The following DLX4 variants were observed in gnomAD, a reference collection of about 807,000 sequenced individuals.
The protein encoded by DLX4 is homeobox protein DLX-4.
In DLX4, 13 loss-of-function variants were observed where a neutral mutation model predicts 17.1. That is an observed-to-expected ratio of 0.76 (90% CI 0.49 to 1.21). The LOEUF (loss-of-function observed/expected upper bound fraction) is 1.21, where lower values mean the gene tolerates loss of function less well. Ranked by LOEUF, DLX4 falls within the 50% of genes most tolerant of loss-of-function variation. The pLI, the probability that DLX4 is intolerant of heterozygous loss-of-function variation, is 0.00. For missense variants in DLX4, 297 were observed against 301.4 expected (o/e 0.99, Z 0.11); for synonymous variants, 129 against 140.3 (o/e 0.92, Z 0.57).
chr17:49,969,342 T>A lies in DLX4; in HGVS notation c.-127T>A. 2 of 1,099,968 alleles carry A rather than the reference T, an allele frequency of 1.8e-6. No homozygotes were observed. Among genetic ancestry groups the A allele is most frequent in the Non-Finnish European group, 2.5e-6 (2 of 792,322 alleles). The allele number at this position is 1,099,968 out of a possible 1,614,324, so 68.1% of individuals were successfully genotyped here. ...GCTCAGAGAGACACTTTCTCCGGGA[T>A]CTTAAGTGTGGGGGCTGCTGGCTGG... On this transcript the variant is annotated 5_prime_UTR_variant, in exon 1 of 3. Coordinates refer to ENST00000240306, the MANE Select transcript of DLX4 (RefSeq NM_138281.3).
chr17:49,973,588 G>A, intron 2 of DLX4, 113 bp from the exon 3 acceptor site: 1 of 1,338,212 alleles, frequency 7.5e-7, no homozygotes, highest in Non-Finnish European at 1.0e-6. Context: ...CCAGCCTAGG[G>A]AACTGCTGGT....
rs1905578601 is a variant in DLX4 at position 49,973,107 on chromosome 17, C to T, written c.318C>T (p.Ser106=). The change falls in exon 2 of 3, where the codon TCC becomes TCT. Residue 106 remains serine, a synonymous_variant. Transcript: ENST00000240306. Reference sequence around the variant, plus strand: ...AGCCGCGGCTGTCCCCGGAACCCTCCGAGCGGCGCCCTCAGGCCCCCGCCA... The same window carrying T: ...AGCCGCGGCTGTCCCCGGAACCCTCTGAGCGGCGCCCTCAGGCCCCCGCCA... ...SEKPRLSPEP[S]ERRPQAPAKK... 6.2e-7 allele frequency: 1 copy of T among 1,613,978 alleles called. No individual in the cohort carries two copies. The highest frequency in any genetic ancestry group is 8.5e-7 in the Non-Finnish European group (1 of 1,179,984).
intron 1 of DLX4, among the ~76,000 whole-genome samples, chr17:49,970,005 C>T (rs1271319113): frequency 1.3e-5 from 2 of 151,902 alleles, no homozygotes; most frequent in African/African-American, 2.4e-5. Context: ...GGCGAGAGGG[C>T]CCCCCCAACC....
chr17:49,972,873 C>T lies in DLX4; in HGVS notation c.284-200C>T. ...GGGAGCAGAACTGCGTCTTGTATCA[C>T]CTGGCGCGGTGAACGTGGGGGTTGA... is the stretch of plus-strand genomic sequence containing the variant. On this transcript the variant is annotated intron_variant, in intron 1 of 2. Coordinates refer to ENST00000240306, the MANE Select transcript of DLX4 (RefSeq NM_138281.3). The surrounding 1 kb of genome is among the most constrained non-coding windows in gnomAD (Gnocchi z 5.4). 6.9e-7 allele frequency: 1 copy of T among 1,446,842 alleles called. No homozygotes were observed. The highest frequency in any genetic ancestry group is 9.1e-7 in the Non-Finnish European group (1 of 1,096,736). 89.6% of individuals were successfully genotyped at this position (1,446,842 alleles called of 1,614,324 possible).
At chr17:49,973,394 G>T (rs1310710546) in intron 2 of DLX4, 125 bp downstream of exon 2, 3 of 1,383,066 alleles carry the variant, frequency 2.2e-6, no homozygotes, top group Non-Finnish European at 2.9e-6. Flanking sequence ...GTTCTCCAGG[G>T]AATGTTCATA....
At position 49,969,692 on chromosome 17, in the gene DLX4, C is replaced by T. The variant is rs1363140696; in HGVS notation, c.224C>T (p.Pro75Leu). The change falls in exon 1 of 3, where the codon CCC becomes CTC. Residue 75 changes from proline to leucine, a missense_variant. By Grantham distance (98) the Pro-to-Leu change is moderately conservative. Coordinates refer to ENST00000240306, the MANE Select transcript of DLX4 (RefSeq NM_138281.3). ...PGDSYLSCQQ[P>L]AALSQPLCGP... ...GACTCCTACCTGTCCTGCCAGCAAC[C>T]CGCGGCGCTCTCTCAGCCCCTCTGC... 1 of 1,604,252 alleles carries T rather than the reference C, an allele frequency of 6.2e-7. No individual in the cohort carries two copies. Among genetic ancestry groups the T allele is most frequent in the African/African-American group, 1.3e-5 (1 of 74,888 alleles).
intron 1 of DLX4, 52 bp from the exon 2 acceptor site, chr17:49,973,021 C>T (rs751656882): frequency 1.3e-6 from 2 of 1,598,258 alleles, no homozygotes; most frequent in African/African-American, 2.7e-5. Flanking sequence ...ACTGTCCGTC[C>T]TACCCCCTCG....
At chr17:49,971,074 G>C (rs1028977109) in intron 1 of DLX4, among the ~76,000 whole-genome samples, 1 of 152,154 alleles carries the variant, frequency 6.6e-6, no homozygotes. Context: ...CTGTCCTTTA[G>C]TGTATGCTAA....
intron 1 of DLX4, 122 bp downstream of exon 1, chr17:49,969,873 A>T (rs917893271): frequency 4.0e-4 from 28 of 69,416 alleles, no homozygotes; most frequent in East Asian, 1.4e-3. Context: ...ATTCCCTGGG[A>T]TGTGGGGGTG....
In DLX4 at chr17:49,969,747, G is replaced by C; in HGVS notation, c.279G>C (p.Glu93Asp). The C allele has an allele frequency of 6.3e-7, 1 of 1,592,176 alleles. No individual in the cohort carries two copies. The highest frequency in any genetic ancestry group is 8.5e-7 in the Non-Finnish European group (1 of 1,175,672). The change falls in exon 1 of 3, where the codon GAG becomes GAC. Residue 93 changes from glutamate to aspartate, a missense_variant. Transcript: ENST00000240306. Reference sequence around the variant, plus strand: ...CTGCAGAGCACCCTCAGGAACTCGAGGCAGGTAAGTTCGGCCGTGGAGGCT... The same window carrying C: ...CTGCAGAGCACCCTCAGGAACTCGACGCAGGTAAGTTCGGCCGTGGAGGCT... ...CGPAEHPQEL[E>D]ADSEKPRLSP...
chr17:49,973,691 C>A lies in DLX4; in HGVS notation c.481-10C>A, dbSNP rs746924545. ...CTGATCTTTCATTCTTTCCCCTTTT[C>A]TTCCCGAAGGTAAAGATCTGGTTTC... On this transcript the variant is annotated splice_polypyrimidine_tract_variant and intron_variant, in intron 2 of 2. Transcript: ENST00000240306. 6.7e-7 allele frequency: 1 copy of A among 1,493,240 alleles called. No individual in the cohort carries two copies. The highest frequency in any genetic ancestry group is 1.4e-5 in the African/African-American group (1 of 70,700). 92.5% of individuals were successfully genotyped at this position (1,493,240 alleles called of 1,614,324 possible). A position where few individuals can be genotyped will look rare whatever the true frequency, so the allele number is the denominator to read the frequency against.
In DLX4 at chr17:49,974,555, T is replaced by A. The variant is rs1193552062; in HGVS notation, c.*612T>A. 6.9e-6 allele frequency: 1 copy of A among 143,986 alleles called. No homozygotes were observed. Among genetic ancestry groups the A allele is most frequent in the Non-Finnish European group, 1.5e-5 (1 of 66,750 alleles). 8.9% of individuals were successfully genotyped at this position (143,986 alleles called of 1,614,324 possible). On this transcript the variant is annotated 3_prime_UTR_variant, in exon 3 of 3. Coordinates refer to ENST00000240306, the MANE Select transcript of DLX4 (RefSeq NM_138281.3). Reference sequence around the variant, plus strand: ...GAGATGCAGAGAAATGTGGAATTTGTGGACCTATGGGTAATTTATGCTTTC... The same window carrying A: ...GAGATGCAGAGAAATGTGGAATTTGAGGACCTATGGGTAATTTATGCTTTC...
intron 1 of DLX4, among the ~76,000 whole-genome samples, chr17:49,971,042 T>G (rs1905485577): frequency 2.0e-5 from 3 of 152,256 alleles, no homozygotes; most frequent in Admixed American, 2.0e-4. Flanking sequence ...GTAGTTCTAG[T>G]TTTTCAAATG....
At chr17:49,969,833 C>T (rs1235641155) in intron 1 of DLX4, 82 bp downstream of exon 1, 10 of 1,306,146 alleles carry the variant, frequency 7.7e-6, no homozygotes, top group Non-Finnish European at 9.9e-6. Context: ...CCTGGTTGGA[C>T]GCAGCTAGCG....
chr17:49,969,112 G>T (rs1905404294), upstream of DLX4: 1 of 232,658 alleles, frequency 4.3e-6, no homozygotes, highest in Non-Finnish European at 8.3e-6. Flanking sequence ...GTCCCGGGGG[G>T]CGGGGCCCGG....
At chr17:49,973,553 C>A in intron 2 of DLX4, 148 bp from the exon 3 acceptor site, 1 of 1,110,262 alleles carries the variant, frequency 9.0e-7, no homozygotes, top group Non-Finnish European at 1.3e-6. Flanking sequence ...GCTCCTGGGG[C>A]TGTGGGGGAC....
chr17:49,969,633 GTCTTACCCCTACAC>G lies in DLX4; in HGVS notation c.166_179del (p.Ser56ArgfsTer113). The stretch of plus-strand genomic sequence containing the variant: ...ACTCCAGGCCGTATGGCCACCTCCT[GTCTTACCCCTACAC>G]CGAGCCAGCGAACCCCGGAGACTCC... On this transcript the variant is annotated frameshift_variant, in exon 1 of 3. Coordinates refer to ENST00000240306, the MANE Select transcript of DLX4 (RefSeq NM_138281.3). LOFTEE classifies it high-confidence loss of function. 1 of 1,612,588 alleles carries G rather than the reference GTCTTACCCCTACAC, an allele frequency of 6.2e-7. No homozygotes were observed. Among genetic ancestry groups the G allele is most frequent in the South Asian group, 1.1e-5 (1 of 91,068 alleles).
At position 49,973,577 on chromosome 17, in the gene DLX4, C is replaced by G. The variant is rs1347498623; in HGVS notation, c.481-124C>G. ...GCTGTGGGGGACTGAAGCAAATGTT[C>G]CCAGCCTAGGGAACTGCTGGTCTCC... On this transcript the variant is annotated intron_variant, in intron 2 of 2. Transcript: ENST00000240306. 3.1e-6 allele frequency: 4 copies of G among 1,291,098 alleles called. No individual in the cohort carries two copies. The Admixed American group carries it at 9.5e-5, about 31-fold the overall frequency. 80.0% of individuals were successfully genotyped at this position (1,291,098 alleles called of 1,614,324 possible).
At chr17:49,970,412 C>T (rs1159580294) in intron 1 of DLX4, among the ~76,000 whole-genome samples, 5 of 152,220 alleles carry the variant, frequency 3.3e-5, no homozygotes, top group African/African-American at 9.6e-5. Flanking sequence ...GCTCATCTCT[C>T]CCTGACTACC....
Sources: gnomAD v4.1 joint callset for allele counts (sites outside exome capture counted in the v4.1 genomes callset) on GRCh38, gnomAD v4.1.1 for gene constraint, Gnocchi (gnomAD v3.1) non-coding constraint, MANE v1.5 for transcripts, NCBI Gene and HGNC (gene_info 2026-07-23, HGNC 2026-07-21) for gene names.